CYRIA: variants seen among roughly 807,000 people sequenced by gnomAD.
The protein encoded by CYRIA is CYFIP-related Rac1 interactor A.
CYRIA carries 15 observed loss-of-function variants against 43.9 expected under a neutral mutation model. The ratio of observed to expected loss-of-function variants is 0.34; its 90% CI spans 0.23 to 0.53. The LOEUF (loss-of-function observed/expected upper bound fraction) is 0.53. Among genes scored for constraint, CYRIA ranks in the 20% least tolerant of loss-of-function variants. CYRIA has a pLI of 0.94. For synonymous variants in CYRIA, 117 were observed against 136.0 expected (o/e 0.86, Z 0.97); for missense variants, 236 against 394.2 (o/e 0.60, Z 3.40).
intron 2 of CYRIA, among the ~76,000 whole-genome samples, chr2:16,609,008 A>T (rs144313392): frequency 5.3e-5 from 8 of 152,246 alleles, no homozygotes; most frequent in Admixed American, 2.0e-4. Flanking sequence ...GAGCCCCATT[A>T]TCCAAAAAAA....
At chr2:16,601,212 G>A (rs770988748) in intron 2 of CYRIA, among the ~76,000 whole-genome samples, 1 of 152,128 alleles carries the variant, frequency 6.6e-6, no homozygotes, top group Non-Finnish European at 1.5e-5. Flanking sequence ...GTGGGGTGAA[G>A]TCTTCTGGAA....
chr2:16,644,033 C>T (rs2103538656), intron 1 of CYRIA, among the ~76,000 whole-genome samples: 1 of 152,326 alleles, frequency 6.6e-6, no homozygotes. Context: ...GCCAACATCT[C>T]AGGGCTCTCT....
intron 3 of CYRIA, among the ~76,000 whole-genome samples, chr2:16,573,947 T>G (rs184281296): frequency 6.6e-6 from 1 of 152,284 alleles, no homozygotes; most frequent in Non-Finnish European, 1.5e-5. Context: ...ACTGAAAATG[T>G]GGAAGCAACT....
intron 1 of CYRIA, among the ~76,000 whole-genome samples, chr2:16,630,585 C>T (rs968789716): frequency 9.2e-5 from 14 of 152,182 alleles, no homozygotes; most frequent in Non-Finnish European, 8.8e-5. Flanking sequence ...TCAGGAAACT[C>T]CACCAAGCTT....
At chr2:16,578,218 C>G (rs1175488177) in intron 3 of CYRIA, among the ~76,000 whole-genome samples, 2 of 152,230 alleles carry the variant, frequency 1.3e-5, no homozygotes, top group East Asian at 3.9e-4. Context: ...ACAGTGTAGC[C>G]CAGATCCAGA....
chr2:16,572,363 G>C (rs1667163016), intron 3 of CYRIA, among the ~76,000 whole-genome samples: 1 of 149,830 alleles, frequency 6.7e-6, no homozygotes, highest in African/African-American at 2.5e-5. Context: ...TCTTTGTATT[G>C]CCATCAAAAA....
intron 1 of CYRIA, among the ~76,000 whole-genome samples, chr2:16,648,189 G>C (rs191482931): frequency 1.3e-5 from 2 of 152,148 alleles, no homozygotes; most frequent in African/African-American, 4.8e-5. Flanking sequence ...AACTCAGCCA[G>C]GGGGGTGGAG....
intron 1 of CYRIA, among the ~76,000 whole-genome samples, chr2:16,652,055 G>A (rs1283769093): frequency 6.6e-6 from 1 of 152,154 alleles, no homozygotes; most frequent in African/African-American, 2.4e-5. Context: ...TCCAGCAGCT[G>A]AAAGCAATCT....
intron 2 of CYRIA, among the ~76,000 whole-genome samples, chr2:16,589,118 G>C (rs1667834541): frequency 6.6e-6 from 1 of 152,076 alleles, no homozygotes; most frequent in African/African-American, 2.4e-5. Context: ...GCTGGGCACT[G>C]TGTTCTTGGA....
intron 1 of CYRIA, among the ~76,000 whole-genome samples, chr2:16,635,994 G>A (rs931010845): frequency 2.0e-5 from 3 of 152,080 alleles, no homozygotes; most frequent in South Asian, 2.1e-4. Flanking sequence ...TGGCAAGCAC[G>A]GGGAACTGCA....
intron 2 of CYRIA, among the ~76,000 whole-genome samples, chr2:16,598,845 T>A (rs954585898): frequency 8.0e-6 from 1 of 124,894 alleles, no homozygotes; most frequent in Non-Finnish European, 1.6e-5. Flanking sequence ...GTTCTGTTTT[T>A]TCCCCATCTT....
At chr2:16,585,707 T>C (rs1374036007) in intron 3 of CYRIA, among the ~76,000 whole-genome samples, 1 of 152,090 alleles carries the variant, frequency 6.6e-6, no homozygotes, top group Non-Finnish European at 1.5e-5. Flanking sequence ...CCATGACCTT[T>C]CTTTACATAA....
intron 2 of CYRIA, among the ~76,000 whole-genome samples, chr2:16,619,374 CATAT>C (rs1408743573): frequency 2.0e-5 from 3 of 151,896 alleles, no homozygotes; most frequent in Non-Finnish European, 4.4e-5. Flanking sequence ...TGTGTGTGTG[CATAT>C]ATAGATATAT....
At chr2:16,565,170 A>G (rs1234051972) in intron 4 of CYRIA, among the ~76,000 whole-genome samples, 1 of 148,802 alleles carries the variant, frequency 6.7e-6, no homozygotes, top group Non-Finnish European at 1.5e-5. Flanking sequence ...GGGGCGATTC[A>G]TGCTCTTTTT....
Position 16,559,563 on chromosome 2 carries a change from C to T in CYRIA, c.734G>A (p.Ser245Asn), listed in dbSNP as rs754400665. The change falls in exon 10 of 12, where the codon AGT (serine) becomes AAT (asparagine). Residue 245 changes from serine to asparagine, a missense_variant. By Grantham distance (46) the Ser-to-Asn change is conservative (BLOSUM62 1). Coordinates refer to ENST00000381323, the MANE Select transcript of CYRIA (RefSeq NM_030797.4). ...CATGCAGAACATCAGGGTCTCTTCA[C>T]TCGTAAACCTACTTCTGTACTCCCT... The part of the protein sequence containing the change: ...ETPEYRSRFT[S>N]EETLMFCMRV... 1 of 1,612,894 alleles carries T rather than the reference C, an allele frequency of 6.2e-7. No homozygotes were observed. The highest frequency in any genetic ancestry group is 1.1e-5 in the South Asian group (1 of 90,970).
intron 2 of CYRIA, among the ~76,000 whole-genome samples, chr2:16,608,625 G>C (rs1376192334): frequency 2.0e-5 from 3 of 152,150 alleles, no homozygotes; most frequent in Non-Finnish European, 4.4e-5. Flanking sequence ...TCCCTTGTTA[G>C]TAAAATGCAA....
intron 3 of CYRIA, among the ~76,000 whole-genome samples, chr2:16,581,278 T>C (rs1225221185): frequency 2.6e-5 from 4 of 152,172 alleles, no homozygotes; most frequent in African/African-American, 9.7e-5. Context: ...TAATTAAAAC[T>C]AGGCAAAAGA....
At chr2:16,649,682 G>T (rs1669917643) in intron 1 of CYRIA, among the ~76,000 whole-genome samples, 1 of 151,662 alleles carries the variant, frequency 6.6e-6, no homozygotes, top group Non-Finnish European at 1.5e-5. Flanking sequence ...TTACAGTACA[G>T]GACACAGTTG....
intron 2 of CYRIA, among the ~76,000 whole-genome samples, chr2:16,615,194 C>T (rs1050545718): frequency 3.9e-5 from 6 of 152,210 alleles, no homozygotes; most frequent in African/African-American, 1.4e-4. Flanking sequence ...CACCTCAGAA[C>T]TGCTGAACGC....
Sources: gnomAD v4.1 joint callset for allele counts (sites outside exome capture counted in the v4.1 genomes callset) on GRCh38, gnomAD v4.1.1 for gene constraint, MANE v1.5 for transcripts, NCBI Gene and HGNC (gene_info 2026-07-23, HGNC 2026-07-21) for gene names.